Variants in HMOX2 observed in about 807,000 individuals in gnomAD.
HMOX2 encodes heme oxygenase (decycling) 2.
Under a neutral mutation model 33.7 loss-of-function variants are expected in HMOX2, and 30 were observed. The observed-to-expected ratio is 0.89, with a 90% CI of 0.67 to 1.21. The LOEUF (loss-of-function observed/expected upper bound fraction) is 1.21, where lower values mean the gene tolerates loss of function less well. Among genes scored for constraint, HMOX2 ranks in the 50% most tolerant of loss-of-function variants. The pLI, the probability that HMOX2 is intolerant of heterozygous loss-of-function variation, is 0.00. For missense variants in HMOX2, 403 were observed against 399.1 expected, an observed-to-expected ratio of 1.01 and a Z score of -0.08; for synonymous variants, 155 against 155.0, an observed-to-expected ratio of 1.00 and a Z score of 0.00.
chr16:4,507,431 C>T (rs573298947), intron 3 of HMOX2, among the ~76,000 whole-genome samples: 1 of 150,102 alleles, frequency 6.7e-6, no homozygotes, highest in Non-Finnish European at 1.5e-5. Context: ...GGTGACAGAG[C>T]GAGACTCTTT....
intron 1 of HMOX2, among the ~76,000 whole-genome samples, chr16:4,480,917 G>A (rs572969293): frequency 2.6e-5 from 4 of 151,092 alleles, no homozygotes; most frequent in South Asian, 2.1e-4. Context: ...GCCTCCCAAA[G>A]CATTGGGATT....
intron 1 of HMOX2, among the ~76,000 whole-genome samples, chr16:4,484,164 C>T (rs1333709512): frequency 6.6e-5 from 10 of 151,684 alleles, no homozygotes; most frequent in Admixed American, 1.3e-4. Context: ...TTAGTAGAGA[C>T]GGGGTTTCAC....
intron 3 of HMOX2, 118 bp from the exon 4 acceptor site, chr16:4,507,595 A>C: frequency 9.7e-7 from 1 of 1,026,014 alleles, no homozygotes; most frequent in Non-Finnish European, 1.4e-6. Flanking sequence ...TTCACTACAT[A>C]AAAATGGACC....
chr16:4,489,397 G>A (rs1047185380), intron 1 of HMOX2, among the ~76,000 whole-genome samples: 1 of 151,964 alleles, frequency 6.6e-6, no homozygotes, highest in African/African-American at 2.4e-5. Flanking sequence ...CAAGTGATCC[G>A]CCTCAGCCTC....
At chr16:4,491,370 C>T in intron 1 of HMOX2, among the ~76,000 whole-genome samples, 1 of 152,224 alleles carries the variant, frequency 6.6e-6, no homozygotes, top group African/African-American at 2.4e-5. Flanking sequence ...TTTTGCTAGG[C>T]CGGGCACTAT....
At chr16:4,479,395 T>C (rs1407954827) in intron 1 of HMOX2, 1 of 152,104 alleles carries the variant, frequency 6.6e-6, no homozygotes, top group Non-Finnish European at 1.5e-5. Context: ...GGTCCTTGTC[T>C]AAGGCACAGG....
intron 1 of HMOX2, among the ~76,000 whole-genome samples, chr16:4,498,533 C>A (rs17881609): frequency 7.0e-4 from 106 of 152,114 alleles, no homozygotes; most frequent in African/African-American, 2.5e-3. Flanking sequence ...TGTCACCACG[C>A]CTGGCTAATT....
At chr16:4,504,017 A>G (rs1567399552) in intron 1 of HMOX2, among the ~76,000 whole-genome samples, 2 of 152,210 alleles carry the variant, frequency 1.3e-5, no homozygotes, top group Non-Finnish European at 2.9e-5. Context: ...TGCGCCTTAC[A>G]TTGCCTGAGC....
chr16:4,475,710 G>A (rs1397670435), upstream of HMOX2, among the ~76,000 whole-genome samples: 1 of 151,780 alleles, frequency 6.6e-6, no homozygotes, highest in African/African-American at 2.4e-5. Flanking sequence ...GGCCGAGGCG[G>A]GTGGATCACC....
intron 1 of HMOX2, among the ~76,000 whole-genome samples, chr16:4,504,829 A>T (rs945561583): frequency 4.0e-5 from 6 of 151,406 alleles, no homozygotes; most frequent in Non-Finnish European, 8.8e-5. Context: ...AGCTGGGATT[A>T]CAAGTGTGCA....
At chr16:4,484,711 G>A (rs780874525) in intron 1 of HMOX2, among the ~76,000 whole-genome samples, 11 of 150,572 alleles carry the variant, frequency 7.3e-5, no homozygotes, top group Non-Finnish European at 1.2e-4. Flanking sequence ...GCCGCCTGCC[G>A]CGGGCTCCCA....
At chr16:4,478,665 C>G (rs181896265) in intron 1 of HMOX2, among the ~76,000 whole-genome samples, 1 of 150,908 alleles carries the variant, frequency 6.6e-6, no homozygotes, top group Non-Finnish European at 1.5e-5. Context: ...CTTGGGAGGC[C>G]GAGGCAGGAG....
chr16:4,507,865 A>G lies in HMOX2; in HGVS notation c.357A>G (p.Glu119=). ...AGGACATGGAGTATTTCTTTGGTGA[A>G]AACTGGGAGGAGCAGGTGCAGTGCC... is the stretch of plus-strand genomic sequence containing the variant. ...LTKDMEYFFG[E]NWEEQVQCPK... The change falls in exon 4 of 6, where the codon GAA becomes GAG. Residue 119 remains glutamate (E), a synonymous_variant. Transcript: ENST00000570646. The G allele has an allele frequency of 6.2e-7, 1 of 1,614,172 alleles. No homozygotes were observed. The highest frequency in any genetic ancestry group is 8.5e-7 in the Non-Finnish European group (1 of 1,180,000).
chr16:4,504,422 G>A (rs959486853), intron 1 of HMOX2, among the ~76,000 whole-genome samples: 6 of 143,256 alleles, frequency 4.2e-5, no homozygotes, highest in Admixed American at 7.3e-5. Flanking sequence ...GTGCAGTGGC[G>A]CGATCTTGGC....
At chr16:4,503,788 G>T (rs1295991540) in intron 1 of HMOX2, among the ~76,000 whole-genome samples, 1 of 152,192 alleles carries the variant, frequency 6.6e-6, no homozygotes, top group African/African-American at 2.4e-5. Flanking sequence ...ACTCAGGAAG[G>T]ATATGTGCCT....
chr16:4,498,636 A>C (rs770151066), intron 1 of HMOX2, among the ~76,000 whole-genome samples: 9 of 152,072 alleles, frequency 5.9e-5, no homozygotes, highest in Non-Finnish European at 7.4e-5. Flanking sequence ...TGGCCTCCCA[A>C]AGTGTCAGGA....
At chr16:4,487,329 G>A (rs1050411466) in intron 1 of HMOX2, among the ~76,000 whole-genome samples, 4 of 152,054 alleles carry the variant, frequency 2.6e-5, no homozygotes, top group African/African-American at 4.8e-5. Context: ...CTAGGTGGGC[G>A]GATCACCTGA....
chr16:4,485,299 A>G lies in HMOX2; in HGVS notation c.-42+8812A>G, dbSNP rs375083308. Among the ~76,000 whole-genome samples, 33 of 152,236 alleles carry G rather than the reference A, an allele frequency of 2.2e-4. No homozygotes were observed. The East Asian group carries it at 6.0e-3, about 28-fold the overall frequency. Reference sequence around the variant, plus strand: ...AATATTTTTAATCTGAGGTTGGTTGAATCCACTGATGCAGAGCCCATGGAT... The same window carrying G: ...AATATTTTTAATCTGAGGTTGGTTGGATCCACTGATGCAGAGCCCATGGAT... On this transcript the variant is annotated intron_variant, in intron 1 of 5. Coordinates refer to ENST00000570646, the MANE Select transcript of HMOX2 (RefSeq NM_002134.4).
chr16:4,508,528 C>A (rs2058751877), intron 4 of HMOX2, among the ~76,000 whole-genome samples: 1 of 152,160 alleles, frequency 6.6e-6, no homozygotes, highest in Admixed American at 6.5e-5. Context: ...ATTTTCTTTT[C>A]AAGTTTTGCT....
Sources: gnomAD v4.1 joint callset for allele counts (sites outside exome capture counted in the v4.1 genomes callset) on GRCh38, gnomAD v4.1.1 for gene constraint, MANE v1.5 for transcripts, NCBI Gene and HGNC (gene_info 2026-07-23, HGNC 2026-07-21) for gene names.